The following EDIL3 variants were observed in gnomAD, a reference collection of about 807,000 sequenced individuals.
EDIL3 encodes EGF-like repeat and discoidin I-like domain-containing protein 3.
A neutral mutation model predicts 67.4 loss-of-function variants in EDIL3; 37 were observed. The observed-to-expected ratio is 0.55, with a 90% CI of 0.42 to 0.72. The LOEUF (loss-of-function observed/expected upper bound fraction) is 0.72. Among genes scored for constraint, EDIL3 ranks in the 30% least tolerant of loss-of-function variants. EDIL3 has a pLI of 0.00. For missense variants in EDIL3, 527 were observed against 586.3 expected (o/e 0.90, Z 1.04); for synonymous variants, 195 against 196.3 (o/e 0.99, Z 0.05).
intron 1 of EDIL3, among the ~76,000 whole-genome samples, chr5:84,297,386 T>C (rs527487868): frequency 1.3e-5 from 2 of 152,198 alleles, no homozygotes; most frequent in African/African-American, 4.8e-5. Flanking sequence ...AAACAACAGA[T>C]GCTGATGAGG....
chr5:84,305,356 T>C (rs1392332853), intron 1 of EDIL3, among the ~76,000 whole-genome samples: 1 of 152,242 alleles, frequency 6.6e-6, no homozygotes, highest in East Asian at 1.9e-4. Context: ...GGACCTACCA[T>C]GTGTAACATT....
rs560216642 is a variant in EDIL3 at position 84,229,774 on chromosome 5, A to C, written c.226+81T>G. On this transcript the variant is annotated intron_variant, in intron 3 of 10. Transcript: ENST00000296591. The stretch of plus-strand genomic sequence containing the variant: ...CAATTTTCTGGTTGAAATCTGAAAA[A>C]ATATTACTCAAAAGGTTGACTCTCT... 5 of 1,418,964 alleles carry C rather than the reference A, an allele frequency of 3.5e-6. No homozygotes were observed. In the African/African-American group the frequency reaches 5.7e-5, roughly 16 times the overall value. The allele number at this position is 1,418,964 out of a possible 1,614,324, so 87.9% of individuals were successfully genotyped here.
At chr5:84,368,806 C>A (rs1327187483) in intron 1 of EDIL3, among the ~76,000 whole-genome samples, 1 of 151,984 alleles carries the variant, frequency 6.6e-6, no homozygotes, top group African/African-American at 2.4e-5. Flanking sequence ...CAAAAATGGG[C>A]AAAGGAATTG....
chr5:84,361,737 C>A (rs145869998), intron 1 of EDIL3, among the ~76,000 whole-genome samples: 2 of 151,728 alleles, frequency 1.3e-5, no homozygotes, highest in East Asian at 3.9e-4. Flanking sequence ...ATCAAGTATA[C>A]CGTATAAACA....
At chr5:84,210,986 G>A (rs1230810115) in intron 3 of EDIL3, among the ~76,000 whole-genome samples, 2 of 152,114 alleles carry the variant, frequency 1.3e-5, no homozygotes, top group Non-Finnish European at 2.9e-5. Context: ...AGGTTGAATG[G>A]TGCTCCGCCA....
intron 1 of EDIL3, among the ~76,000 whole-genome samples, chr5:84,377,874 C>A (rs555827469): frequency 6.6e-6 from 1 of 152,142 alleles, no homozygotes; most frequent in Non-Finnish European, 1.5e-5. Context: ...CTTAAAAAGC[C>A]GTCACCTAAA....
chr5:83,992,017 G>T (rs1745159131), intron 9 of EDIL3, among the ~76,000 whole-genome samples: 1 of 152,124 alleles, frequency 6.6e-6, no homozygotes. Context: ...TACTGATGTG[G>T]TTAGATATTC....
chr5:84,093,689 TCGC>T, intron 6 of EDIL3, among the ~76,000 whole-genome samples: 1 of 143,534 alleles, frequency 7.0e-6, no homozygotes. Flanking sequence ...AGACGGGGTC[TCGC>T]TCTGTGGCCC....
At chr5:84,240,186 T>G (rs2112056774) in intron 2 of EDIL3, among the ~76,000 whole-genome samples, 1 of 152,266 alleles carries the variant, frequency 6.6e-6, no homozygotes, top group South Asian at 2.1e-4. Context: ...AAATTTATCT[T>G]GGAGGCAGAA....
At chr5:84,225,409 T>C (rs1744430635) in intron 3 of EDIL3, among the ~76,000 whole-genome samples, 1 of 151,668 alleles carries the variant, frequency 6.6e-6, no homozygotes. Context: ...ATAAGAATAT[T>C]TTCATTCTGA....
intron 4 of EDIL3, among the ~76,000 whole-genome samples, chr5:84,176,210 T>TA (rs1554071687): frequency 7.9e-5 from 3 of 37,792 alleles, no homozygotes; most frequent in African/African-American, 2.3e-4. Flanking sequence ...TATATATATA[T>TA]ATATATATAT....
intron 1 of EDIL3, among the ~76,000 whole-genome samples, chr5:84,292,323 T>G (rs1745939867): frequency 6.6e-6 from 1 of 152,126 alleles, no homozygotes; most frequent in Non-Finnish European, 1.5e-5. Context: ...ACATTCAAAA[T>G]TTAGAGGTTG....
intron 1 of EDIL3, among the ~76,000 whole-genome samples, chr5:84,295,209 T>G (rs1746023133): frequency 6.6e-6 from 1 of 152,078 alleles, no homozygotes; most frequent in Non-Finnish European, 1.5e-5. Flanking sequence ...TTACATAACT[T>G]TTAAAAATAA....
intron 9 of EDIL3, among the ~76,000 whole-genome samples, chr5:84,053,361 G>A (rs1225295867): frequency 6.6e-6 from 1 of 152,148 alleles, no homozygotes; most frequent in Non-Finnish European, 1.5e-5. Flanking sequence ...AAGCAGGAAA[G>A]ATCTAAAATT....
intron 4 of EDIL3, among the ~76,000 whole-genome samples, chr5:84,153,412 T>TCAG (rs769561315): frequency 1.2e-4 from 18 of 151,734 alleles, no homozygotes; most frequent in Non-Finnish European, 1.9e-4. Flanking sequence ...TTCTCCTGTC[T>TCAG]CCTCCTGAGT....
intron 3 of EDIL3, among the ~76,000 whole-genome samples, chr5:84,207,539 A>G (rs1300332697): frequency 6.6e-6 from 1 of 152,086 alleles, no homozygotes; most frequent in Non-Finnish European, 1.5e-5. Flanking sequence ...AGAATTGGAA[A>G]AAACTACTTT....
At chr5:84,190,579 G>GTGTGTGTGTGTGTGTGTA (rs1456078500) in intron 3 of EDIL3, among the ~76,000 whole-genome samples, 3 of 122,052 alleles carry the variant, frequency 2.5e-5, no homozygotes, top group African/African-American at 9.5e-5. Flanking sequence ...GTGTGTGTGT[G>GTGTGTGTGTGTGTGTGTA]TATATATATA....
intron 1 of EDIL3, among the ~76,000 whole-genome samples, chr5:84,260,218 T>C (rs1745201902): frequency 6.6e-6 from 1 of 151,944 alleles, no homozygotes; most frequent in African/African-American, 2.4e-5. Context: ...AAACAGCAAA[T>C]AAAACTGGTT....
chr5:84,356,082 A>C (rs1271276768), intron 1 of EDIL3, among the ~76,000 whole-genome samples: 1 of 152,210 alleles, frequency 6.6e-6, no homozygotes. Flanking sequence ...TTTTACTACT[A>C]TGAAATTATA....
Sources: allele counts gnomAD v4.1 joint callset (sites outside exome capture counted in the v4.1 genomes callset), GRCh38; gene constraint gnomAD v4.1.1; transcripts MANE v1.5; gene names NCBI Gene and HGNC (gene_info 2026-07-23, HGNC 2026-07-21).